Variants in ADCY5 observed in about 807,000 individuals in gnomAD.
ADCY5 encodes adenylate cyclase 5.
ADCY5 carries 30 observed loss-of-function variants against 119.7 expected under a neutral mutation model. The observed-to-expected ratio is 0.25, with a 90% CI of 0.19 to 0.34. The LOEUF (loss-of-function observed/expected upper bound fraction) is 0.34. Among genes scored for constraint, ADCY5 ranks in the 10% least tolerant of loss-of-function variants. The pLI, the probability that ADCY5 is intolerant of heterozygous loss-of-function variation, is 1.00. For synonymous variants in ADCY5, 753 were observed against 762.2 expected, an observed-to-expected ratio of 0.99 and a Z score of 0.20; for missense variants, 1,324 against 1,775.2, an observed-to-expected ratio of 0.75 and a Z score of 4.57.
intron 1 of ADCY5, among the ~76,000 whole-genome samples, chr3:123,441,262 CG>C (rs1553750498): frequency 6.6e-6 from 1 of 152,192 alleles, no homozygotes; most frequent in Non-Finnish European, 1.5e-5. Flanking sequence ...CTTCCCAGTG[CG>C]GCCTGTGAAT....
chr3:123,426,299 G>GTTTTTTTTTTTTTTTTTTTTTT (rs750760543), intron 1 of ADCY5, among the ~76,000 whole-genome samples: 2 of 97,946 alleles, frequency 2.0e-5, no homozygotes, highest in African/African-American at 3.4e-5. Flanking sequence ...TTTCTTTTGT[G>GTTTTTTTTTTTTTTTTTTTTTT]TTTTTTTTTT....
Position 123,408,233 on chromosome 3 carries a change from C to T in ADCY5, c.1134+39179G>A, listed in dbSNP as rs564248300. Among the ~76,000 whole-genome samples the T allele has an allele frequency of 1.7e-4, 26 of 152,004 alleles. No individual in the cohort carries two copies. The East Asian group carries it at 4.8e-3, about 28-fold the overall frequency. On this transcript the variant is annotated intron_variant, in intron 1 of 20. Coordinates refer to ENST00000462833, the MANE Select transcript of ADCY5 (RefSeq NM_183357.3). ...CTACCGCATGAACATGGTCGTAACA[C>T]GTATTTTCAGTGTCGTTATGAGAAT...
intron 8 of ADCY5, among the ~76,000 whole-genome samples, chr3:123,322,021 G>A (rs1941244559): frequency 6.6e-6 from 1 of 152,200 alleles, no homozygotes. Flanking sequence ...CTCCCTCCAG[G>A]CTGTAAAGTG....
At chr3:123,311,226 G>A (rs988867843) in intron 12 of ADCY5, among the ~76,000 whole-genome samples, 5 of 152,214 alleles carry the variant, frequency 3.3e-5, no homozygotes, top group Admixed American at 1.3e-4. Flanking sequence ...AAGTTTCTGC[G>A]TTCTGGTAAA....
At chr3:123,312,101 AC>A (rs1440657527) in intron 12 of ADCY5, among the ~76,000 whole-genome samples, 2 of 152,172 alleles carry the variant, frequency 1.3e-5, no homozygotes, top group Non-Finnish European at 2.9e-5. Flanking sequence ...CTCCTCCACA[AC>A]TGACTGCAAA....
At chr3:123,443,266 C>T (rs906275921) in intron 1 of ADCY5, among the ~76,000 whole-genome samples, 1 of 152,132 alleles carries the variant, frequency 6.6e-6, no homozygotes. Context: ...CAGGTACTTA[C>T]TTCCCTGGGG....
chr3:123,412,199 A>G (rs1298856107), intron 1 of ADCY5, among the ~76,000 whole-genome samples: 1 of 152,216 alleles, frequency 6.6e-6, no homozygotes, highest in African/African-American at 2.4e-5. Flanking sequence ...AGGAAAGAGG[A>G]CACTTTGCCT....
chr3:123,419,928 C>A (rs977273306), intron 1 of ADCY5, among the ~76,000 whole-genome samples: 6 of 151,884 alleles, frequency 4.0e-5, no homozygotes, highest in Non-Finnish European at 5.9e-5. Context: ...GTTGTAGACA[C>A]CCCCCCACCC....
chr3:123,292,187 C>G, intron 17 of ADCY5, among the ~76,000 whole-genome samples: 1 of 152,230 alleles, frequency 6.6e-6, no homozygotes, highest in South Asian at 2.1e-4. Flanking sequence ...GGCTGGCCCA[C>G]TTGGGCTTTT....
intron 1 of ADCY5, among the ~76,000 whole-genome samples, chr3:123,409,123 C>G (rs1310815151): frequency 6.6e-6 from 1 of 152,194 alleles, no homozygotes; most frequent in Non-Finnish European, 1.5e-5. Context: ...TCTATACAGG[C>G]AGCCAGGCTC....
chr3:123,388,098 T>G (rs1441523075), intron 1 of ADCY5, among the ~76,000 whole-genome samples: 1 of 151,886 alleles, frequency 6.6e-6, no homozygotes, highest in African/African-American at 2.4e-5. Context: ...AAGCCAGTAT[T>G]TTGGGCCAGA....
At chr3:123,359,586 C>T (rs941263302) in intron 1 of ADCY5, among the ~76,000 whole-genome samples, 1 of 151,778 alleles carries the variant, frequency 6.6e-6, no homozygotes, top group Admixed American at 6.6e-5. Context: ...AGTCTGCAAT[C>T]ACCCCAATGA....
At chr3:123,434,824 C>G (rs1296355239) in intron 1 of ADCY5, among the ~76,000 whole-genome samples, 2 of 152,132 alleles carry the variant, frequency 1.3e-5, no homozygotes, top group African/African-American at 4.8e-5. Flanking sequence ...ATTACCCATA[C>G]AACCACCCTA....
intron 3 of ADCY5, among the ~76,000 whole-genome samples, chr3:123,340,734 C>T (rs1576596118): frequency 6.6e-6 from 1 of 152,156 alleles, no homozygotes; most frequent in East Asian, 1.9e-4. Context: ...TCAAATGGTG[C>T]AGCCCCTCTG....
intron 12 of ADCY5, among the ~76,000 whole-genome samples, chr3:123,310,070 A>T (rs892012252): frequency 3.3e-5 from 5 of 149,898 alleles, no homozygotes; most frequent in Admixed American, 2.0e-4. Flanking sequence ...AAGAAAAGCA[A>T]GCCATCAGGC....
chr3:123,319,589 A>G, intron 10 of ADCY5, 85 bp downstream of exon 10: 1 of 1,535,164 alleles, frequency 6.5e-7, no homozygotes, highest in South Asian at 1.2e-5. Flanking sequence ...TGCTGGGGGC[A>G]TGAGGGAGCC....
In ADCY5 at chr3:123,328,530, G is replaced by A; in HGVS notation, c.1805+114C>T. ...CCCAGCGCCCCCACAGGTGCTTGCT[G>A]CCCATCCTGCCCACCCCACCCTGCC... On this transcript the variant is annotated intron_variant, in intron 6 of 20. Coordinates refer to ENST00000462833, the MANE Select transcript of ADCY5 (RefSeq NM_183357.3). The A allele has an allele frequency of 3.9e-6, 5 of 1,291,798 alleles. No homozygotes were observed. In the South Asian group the frequency reaches 5.4e-5, roughly 14 times the overall value. 80.0% of individuals were successfully genotyped at this position (1,291,798 alleles called of 1,614,324 possible).
Position 123,448,304 on chromosome 3 carries a change from G to A in ADCY5, c.242C>T (p.Pro81Leu), listed in dbSNP as rs77439349. 426 of 1,540,770 alleles carry A rather than the reference G, an allele frequency of 2.8e-4. 2 individuals carry two copies. In the East Asian group the frequency reaches 9.2e-3, roughly 33 times the overall value. The change falls in exon 1 of 21, where the codon CCT becomes CTT. Residue 81 changes from proline (P) to leucine (L), a missense_variant. Pro to Leu is a moderately conservative substitution (Grantham distance 98). Transcript: ENST00000462833. ...CAGGGGGTCGTCACCGCTCAGCGGA[G>A]GATCGTCGTCGTCGTCGCTGCGCCA... Reference protein sequence around the residue: ...SRWRSDDDDDPPLSGDDPLAG... With the variant: ...SRWRSDDDDDLPLSGDDPLAG...
At chr3:123,306,666 T>C (rs949277628) in intron 12 of ADCY5, among the ~76,000 whole-genome samples, 1 of 152,190 alleles carries the variant, frequency 6.6e-6, no homozygotes, top group African/African-American at 2.4e-5. Context: ...GGGCAGCCAC[T>C]GGGGAAAACA....
Sources: allele counts gnomAD v4.1 joint callset (sites outside exome capture counted in the v4.1 genomes callset), GRCh38; gene constraint gnomAD v4.1.1; transcripts MANE v1.5; gene names NCBI Gene and HGNC (gene_info 2026-07-23, HGNC 2026-07-21).